Variants in ARHGAP15 observed in about 807,000 individuals in gnomAD.
The protein encoded by ARHGAP15 is Rho GTPase activating protein 15, also known as rho GTPase-activating protein 15.
In ARHGAP15, 51 loss-of-function variants were observed where a neutral mutation model predicts 63.7. That is an observed-to-expected ratio of 0.80 (90% confidence interval 0.64 to 1.01). ARHGAP15 has a LOEUF of 1.01. Ranked by LOEUF, ARHGAP15 falls within the 50% of genes least tolerant of loss-of-function variation. ARHGAP15 has a pLI of 0.00. For synonymous variants in ARHGAP15, 191 were observed against 193.8 expected (o/e 0.99, Z 0.12); for missense variants, 560 against 564.6 (o/e 0.99, Z 0.08).
intron 2 of ARHGAP15, among the ~76,000 whole-genome samples, chr2:143,179,997 C>A (rs1370268166): frequency 6.6e-6 from 1 of 152,038 alleles, no homozygotes; most frequent in Non-Finnish European, 1.5e-5. Flanking sequence ...GGTGGAAGGT[C>A]TTGCCTTGAT....
At chr2:143,282,927 T>C (rs527567219) in intron 6 of ARHGAP15, among the ~76,000 whole-genome samples, 5 of 152,280 alleles carry the variant, frequency 3.3e-5, no homozygotes, top group African/African-American at 1.2e-4. Flanking sequence ...AGCCCTTCAA[T>C]ACAATCAGTG....
chr2:143,406,166 G>GTTAATAAT (rs1450090082), intron 6 of ARHGAP15, among the ~76,000 whole-genome samples: 2 of 151,774 alleles, frequency 1.3e-5, no homozygotes, highest in African/African-American at 4.8e-5. Flanking sequence ...ATGTACCTCA[G>GTTAATAAT]TTAATAATTT....
chr2:143,340,966 T>C (rs867850813), intron 6 of ARHGAP15, among the ~76,000 whole-genome samples: 3 of 152,196 alleles, frequency 2.0e-5, no homozygotes, highest in Non-Finnish European at 2.9e-5. Flanking sequence ...CACTATCATT[T>C]GGCCAACGTA....
intron 6 of ARHGAP15, among the ~76,000 whole-genome samples, chr2:143,366,686 A>G (rs2105347730): frequency 6.6e-6 from 1 of 152,212 alleles, no homozygotes; most frequent in Non-Finnish European, 1.5e-5. Context: ...GATTTATTTA[A>G]TAGGGTTAAA....
At chr2:143,470,941 T>A (rs572594677) in intron 8 of ARHGAP15, among the ~76,000 whole-genome samples, 1 of 143,420 alleles carries the variant, frequency 7.0e-6, no homozygotes, top group Non-Finnish European at 1.5e-5. Flanking sequence ...TATATGTGTG[T>A]ATATACACAC....
At chr2:143,486,408 C>CAAAAAAAA (rs35904219) in intron 8 of ARHGAP15, among the ~76,000 whole-genome samples, 40 of 133,332 alleles carry the variant, frequency 3.0e-4, no homozygotes, top group East Asian at 7.1e-4. Context: ...CCATTTCTAC[C>CAAAAAAAA]AAAAAAAAAA....
intron 6 of ARHGAP15, among the ~76,000 whole-genome samples, chr2:143,337,593 A>G (rs1354883884): frequency 6.6e-6 from 1 of 152,208 alleles, no homozygotes; most frequent in East Asian, 1.9e-4. Context: ...AATTAGCTGT[A>G]CAATACCTTC....
At chr2:143,741,610 T>C (rs1023923624) in intron 13 of ARHGAP15, among the ~76,000 whole-genome samples, 11 of 152,212 alleles carry the variant, frequency 7.2e-5, no homozygotes, top group African/African-American at 2.7e-4. Context: ...TTTCAGAAAT[T>C]GAAATGGAGA....
chr2:143,135,707 C>T (rs983692125), intron 1 of ARHGAP15, among the ~76,000 whole-genome samples: 11 of 152,056 alleles, frequency 7.2e-5, no homozygotes, highest in Admixed American at 6.6e-4. Context: ...TTTCATTTGA[C>T]TTCTGGAATA....
intron 12 of ARHGAP15, among the ~76,000 whole-genome samples, chr2:143,697,061 G>A (rs186664087): frequency 1.2e-4 from 18 of 152,260 alleles, no homozygotes; most frequent in Admixed American, 1.2e-3. Context: ...CCAACTACGG[G>A]CTACGCTCAA....
At chr2:143,239,817 C>T (rs1693791027) in intron 5 of ARHGAP15, among the ~76,000 whole-genome samples, 1 of 151,646 alleles carries the variant, frequency 6.6e-6, no homozygotes, top group Non-Finnish European at 1.5e-5. Flanking sequence ...ATGGAGAAAC[C>T]CCATCTCTAC....
At chr2:143,363,841 C>T (rs1686171365) in intron 6 of ARHGAP15, among the ~76,000 whole-genome samples, 1 of 152,144 alleles carries the variant, frequency 6.6e-6, no homozygotes, top group Admixed American at 6.5e-5. Flanking sequence ...TTCCCAACAC[C>T]TAGAACTGGG....
At chr2:143,613,361 G>A (rs1698332614) in intron 11 of ARHGAP15, among the ~76,000 whole-genome samples, 1 of 152,096 alleles carries the variant, frequency 6.6e-6, no homozygotes, top group Admixed American at 6.6e-5. Context: ...AAGTAAAAAA[G>A]CAAATCCCAT....
At chr2:143,496,694 C>G (rs1023207803) in intron 9 of ARHGAP15, among the ~76,000 whole-genome samples, 4 of 152,126 alleles carry the variant, frequency 2.6e-5, no homozygotes, top group Non-Finnish European at 4.4e-5. Flanking sequence ...AAATCAAGTC[C>G]TCAAGATGTT....
chr2:143,696,152 A>C (rs1225000201), intron 12 of ARHGAP15, among the ~76,000 whole-genome samples: 8 of 152,014 alleles, frequency 5.3e-5, no homozygotes, highest in African/African-American at 1.5e-4. Flanking sequence ...TGAGTTTCAC[A>C]ATTATCTTAG....
intron 12 of ARHGAP15, among the ~76,000 whole-genome samples, chr2:143,666,464 C>G (rs1306548579): frequency 6.6e-6 from 1 of 151,092 alleles, no homozygotes; most frequent in African/African-American, 2.4e-5. Context: ...ACCATAAAAA[C>G]CCTAGAAGAA....
chr2:143,655,635 T>C (rs1376567045), intron 12 of ARHGAP15, among the ~76,000 whole-genome samples: 1 of 152,186 alleles, frequency 6.6e-6, no homozygotes, highest in Non-Finnish European at 1.5e-5. Flanking sequence ...TATTACAGCC[T>C]TACTAAACTA....
At chr2:143,547,868 A>G (rs1053931803) in intron 10 of ARHGAP15, among the ~76,000 whole-genome samples, 4 of 152,042 alleles carry the variant, frequency 2.6e-5, no homozygotes, top group African/African-American at 7.2e-5. Flanking sequence ...GATAATAGTA[A>G]AAAGCAAGAT....
chr2:143,576,116 CTCTA>C (rs762924719), intron 11 of ARHGAP15, among the ~76,000 whole-genome samples: 5 of 152,152 alleles, frequency 3.3e-5, no homozygotes, highest in Admixed American at 6.6e-5. Flanking sequence ...ACACCCAAAT[CTCTA>C]TCTCTTATTT....
Sources: allele counts gnomAD v4.1 joint callset (sites outside exome capture counted in the v4.1 genomes callset), GRCh38; gene constraint gnomAD v4.1.1; transcripts MANE v1.5; gene names NCBI Gene and HGNC (gene_info 2026-07-23, HGNC 2026-07-21).